The following BIN1 variants were observed in gnomAD, a reference collection of about 807,000 sequenced individuals.
The protein encoded by BIN1 is myc box-dependent-interacting protein 1.
A neutral mutation model predicts 82.0 loss-of-function variants in BIN1; 53 were observed. The ratio of observed to expected loss-of-function variants is 0.65; its 90% CI spans 0.52 to 0.81. The LOEUF is 0.81. BIN1 is among the 40% of genes least tolerant of loss of function. The pLI is 0.00. For synonymous variants in BIN1, 302 were observed against 328.0 expected (o/e 0.92, Z 0.86); for missense variants, 642 against 784.4 (o/e 0.82, Z 2.17).
At position 127,059,120 on chromosome 2, in the gene BIN1, G is replaced by T; in HGVS notation, c.893C>A (p.Ser298Ter). ...GGCGGCAGGGGAGCCATCTGGAGGC[G>T]AAGGGCTCTTGTTCCCTTTTGCAGG... ...NAPAKGNKSP[S>*]PPDGSPAATP... is the part of the protein sequence containing the mutation. The change falls in exon 11 of 19, where the codon TCG (serine) becomes TAG (stop). Residue 298 changes from serine (S) to a stop codon, truncating the protein, a stop_gained. Transcript: ENST00000316724. LOFTEE classifies it high-confidence loss of function. The surrounding 1 kb of genome is among the most constrained non-coding windows in gnomAD (Gnocchi z 6.7). The T allele has an allele frequency of 6.3e-7, 1 of 1,592,438 alleles. No homozygotes were observed.
At chr2:127,052,202 G>A (rs1683042428) in intron 15 of BIN1, 53 bp downstream of exon 15, 1 of 1,512,756 alleles carries the variant, frequency 6.6e-7, no homozygotes, top group Non-Finnish European at 9.0e-7. Flanking sequence ...CTTCCATGCT[G>A]CACCCCTAGA....
In BIN1 at chr2:127,059,718, C is replaced by T. The variant is rs1264565000; in HGVS notation, c.858-563G>A. On this transcript the variant is annotated intron_variant, in intron 10 of 18. Transcript: ENST00000316724. This position sits in a 1 kb window ranked among gnomAD's most constrained non-coding sequence, Gnocchi z 6.7. ...CTGGAGGCCACAAGCAGGGCCTGGA[C>T]AAACTAAGAGAGGCGTCCTCATCAC... Among the ~76,000 whole-genome samples the T allele has an allele frequency of 6.6e-6, 1 of 152,154 alleles. No homozygotes were observed. Among genetic ancestry groups the T allele is most frequent in the Non-Finnish European group, 1.5e-5 (1 of 68,010 alleles).
chr2:127,063,478 G>T, intron 9 of BIN1, 93 bp downstream of exon 9: 1 of 1,340,244 alleles, frequency 7.5e-7, no homozygotes, highest in Non-Finnish European at 1.0e-6. Context: ...ACCTGGCAGG[G>T]AAGGAGGAGT....
chr2:127,073,172 T>C (rs938504640), intron 2 of BIN1, among the ~76,000 whole-genome samples: 1 of 152,226 alleles, frequency 6.6e-6, no homozygotes, highest in Non-Finnish European at 1.5e-5. Context: ...GCCAGAGCAC[T>C]GCCTCCCTGT....
chr2:127,056,909 G>A lies in BIN1; in HGVS notation c.1131+564C>T, dbSNP rs370556990. On this transcript the variant is annotated intron_variant, in intron 12 of 18. Transcript: ENST00000316724. Reference sequence around the variant, plus strand: ...CACTGGGAGAGACCCAAGACCCTCTGCGTGGCTCCTTGCTGAGCCAAGGGC... The same window carrying A: ...CACTGGGAGAGACCCAAGACCCTCTACGTGGCTCCTTGCTGAGCCAAGGGC... Among the ~76,000 whole-genome samples the A allele has an allele frequency of 3.3e-5, 5 of 152,350 alleles. No homozygotes were observed. In the East Asian group the frequency reaches 9.7e-4, roughly 29 times the overall value.
chr2:127,096,811 C>T (rs1679661930), intron 1 of BIN1, among the ~76,000 whole-genome samples: 1 of 152,214 alleles, frequency 6.6e-6, no homozygotes, highest in African/African-American at 2.4e-5. Flanking sequence ...CCCTGCTTGC[C>T]CTGGACTCAG....
At chr2:127,063,835 GCAGCACGCAGGCTGGGCACCA>G (rs1197231684) in intron 8 of BIN1, 77 bp downstream of exon 8, 43 of 1,501,828 alleles carry the variant, frequency 2.9e-5, no homozygotes, top group Admixed American at 5.1e-5. Context: ...ACTGGACACC[GCAGCACGCAGGCTGGGCACCA>G]CAGCACGCAG....
chr2:127,052,502 G>A (rs1007254341), intron 14 of BIN1, 140 bp from the exon 15 acceptor site: 86 of 736,770 alleles, frequency 1.2e-4, no homozygotes, highest in Middle Eastern at 3.6e-4. Context: ...AGCGGAGCCC[G>A]GCCAGCCACC....
chr2:127,076,842 C>T, intron 1 of BIN1, 136 bp from the exon 2 acceptor site: 2 of 930,456 alleles, frequency 2.1e-6, no homozygotes, highest in Non-Finnish European at 3.4e-6. Flanking sequence ...AGGGTGCCCA[C>T]CCAGGGCTGC....
Position 127,106,976 on chromosome 2 carries a change from G to T in BIN1, c.-33C>A, listed in dbSNP as rs780778372. On this transcript the variant is annotated 5_prime_UTR_variant, in exon 1 of 19. Coordinates refer to ENST00000316724, the MANE Select transcript of BIN1 (RefSeq NM_139343.3). The stretch of plus-strand genomic sequence containing the variant: ...CAGGCCTCGCCCGGTGGCAGGGGCC[G>T]CTCTCGCGCGGGGAGATCTTGCGCG... 2 of 1,593,990 alleles carry T rather than the reference G, an allele frequency of 1.3e-6. No homozygotes were observed. The highest frequency in any genetic ancestry group is 8.5e-7 in the Non-Finnish European group (1 of 1,172,958).
At chr2:127,089,429 G>A (rs1678617171) in intron 1 of BIN1, among the ~76,000 whole-genome samples, 1 of 152,206 alleles carries the variant, frequency 6.6e-6, no homozygotes, top group Non-Finnish European at 1.5e-5. Flanking sequence ...TGACCCAGGT[G>A]GGAGGCAAGG....
At chr2:127,061,205 G>T (rs4663091) in intron 10 of BIN1, among the ~76,000 whole-genome samples, 1 of 116,368 alleles carries the variant, frequency 8.6e-6, no homozygotes, top group Non-Finnish European at 1.8e-5. Context: ...CCCCCACCCC[G>T]CTACCCACCC....
intron 12 of BIN1, chr2:127,056,634 G>A (rs913863398): frequency 1.3e-5 from 2 of 152,274 alleles, no homozygotes; most frequent in Non-Finnish European, 2.9e-5. Flanking sequence ...GTGTGGGAAG[G>A]GTCCTGGCCT....
intron 8 of BIN1, 133 bp downstream of exon 8, chr2:127,063,800 A>G (rs962848217): frequency 6.4e-6 from 9 of 1,408,146 alleles, no homozygotes; most frequent in Non-Finnish European, 9.0e-6. Context: ...ACTGCAGCAC[A>G]CAGGCTGGGC....
At chr2:127,085,008 G>A (rs983633206) in intron 1 of BIN1, among the ~76,000 whole-genome samples, 8 of 152,186 alleles carry the variant, frequency 5.3e-5, no homozygotes, top group Non-Finnish European at 1.0e-4. Flanking sequence ...TCCTGGTGAC[G>A]ATTGAGGCCT....
At chr2:127,064,068 C>T (rs1427991952) in intron 7 of BIN1, 50 bp from the exon 8 acceptor site, 1 of 1,608,198 alleles carries the variant, frequency 6.2e-7, no homozygotes, top group Non-Finnish European at 8.5e-7. Context: ...CCAGCCAGCC[C>T]AGCCCCATGG....
chr2:127,063,927 C>A lies in BIN1; in HGVS notation c.698+6G>T. 1 of 1,613,598 alleles carries A rather than the reference C, an allele frequency of 6.2e-7. No individual in the cohort carries two copies. Among genetic ancestry groups the A allele is most frequent in the Non-Finnish European group, 8.5e-7 (1 of 1,179,956 alleles). On this transcript the variant is annotated splice_donor_region_variant and intron_variant, in intron 8 of 18. Coordinates refer to ENST00000316724, the MANE Select transcript of BIN1 (RefSeq NM_139343.3). ...CACGCAGGCTGGGCACCGTGCTGGG[C>A]CTCACCTGTTCCACAGGGACGGCAG...
At chr2:127,060,605 T>C in intron 10 of BIN1, 1 of 1,614,206 alleles carries the variant, frequency 6.2e-7, no homozygotes, top group Non-Finnish European at 8.5e-7. Flanking sequence ...CCTGTTCTTC[T>C]TTCTGCGCAG....
chr2:127,094,697 C>T (rs1053280802), intron 1 of BIN1, among the ~76,000 whole-genome samples: 5 of 152,250 alleles, frequency 3.3e-5, no homozygotes, highest in African/African-American at 7.2e-5. Flanking sequence ...CAAAGCCGGA[C>T]GCTGGCATCA....
Sources: allele counts gnomAD v4.1 joint callset (sites outside exome capture counted in the v4.1 genomes callset), GRCh38; gene constraint gnomAD v4.1.1; non-coding constraint Gnocchi (gnomAD v3.1); transcripts MANE v1.5; gene names NCBI Gene and HGNC (gene_info 2026-07-23, HGNC 2026-07-21).